YES1: variants seen among roughly 807,000 people sequenced by gnomAD.
YES1 encodes the protein YES proto-oncogene 1, Src family tyrosine kinase.
A neutral mutation model predicts 70.4 loss-of-function variants in YES1; 39 were observed. That is an observed-to-expected ratio of 0.55 (90% CI 0.43 to 0.72). The LOEUF (loss-of-function observed/expected upper bound fraction) is 0.72, where lower values mean the gene tolerates loss of function less well. Among genes scored for constraint, YES1 ranks in the 30% least tolerant of loss-of-function variants. The probability of loss-of-function intolerance (pLI) is 0.00; values close to 1 mark genes in which losing one functional copy is unlikely to be tolerated. For missense variants in YES1, 495 were observed against 644.8 expected, an observed-to-expected ratio of 0.77 and a Z score of 2.52; for synonymous variants, 198 against 218.6, an observed-to-expected ratio of 0.91 and a Z score of 0.83.
intron 2 of YES1, among the ~76,000 whole-genome samples, chr18:755,002 A>G (rs1020264213): frequency 6.6e-6 from 1 of 152,198 alleles, no homozygotes; most frequent in African/African-American, 2.4e-5. Context: ...ATTTCATATA[A>G]GTAAATTGCT....
At chr18:724,710 T>C in intron 11 of YES1, 78 bp from the exon 12 acceptor site, 1 of 1,121,626 alleles carries the variant, frequency 8.9e-7, no homozygotes, top group Non-Finnish European at 1.3e-6. Context: ...CCCTAGCCAC[T>C]AACTCATTCA....
intron 11 of YES1, 34 bp from the exon 12 acceptor site, chr18:724,666 G>GTTAGTA: frequency 1.3e-6 from 2 of 1,569,894 alleles, no homozygotes; most frequent in South Asian, 1.1e-5. Flanking sequence ...AAAGAACAAT[G>GTTAGTA]GTCCTAACTA....
At chr18:766,976 A>C (rs1168100706) in intron 1 of YES1, among the ~76,000 whole-genome samples, 1 of 152,134 alleles carries the variant, frequency 6.6e-6, no homozygotes, top group African/African-American at 2.4e-5. Context: ...TTTTAAGTTC[A>C]ATTAAAATTT....
chr18:790,758 T>G (rs929498905), intron 1 of YES1, among the ~76,000 whole-genome samples: 4 of 152,180 alleles, frequency 2.6e-5, no homozygotes, highest in African/African-American at 7.2e-5. Context: ...CAATAACCAC[T>G]AAAATAGTTT....
intron 11 of YES1, among the ~76,000 whole-genome samples, chr18:731,953 C>T (rs1401150806): frequency 1.3e-4 from 14 of 109,426 alleles, no homozygotes; most frequent in South Asian, 2.9e-4. Context: ...GGCGACAGAG[C>T]GAGACTCCAT....
rs1318314308 is a variant in YES1 at position 743,066 on chromosome 18, G to A, written c.912C>T (p.Ile304=). The A allele has an allele frequency of 6.2e-7, 1 of 1,601,364 alleles. No homozygotes were observed. Among genetic ancestry groups the A allele is most frequent in the Non-Finnish European group, 8.5e-7 (1 of 1,176,944 alleles). The change falls in exon 8 of 12, where the codon ATC becomes ATT. Residue 304 remains isoleucine (I), a synonymous_variant. Coordinates refer to ENST00000314574, the MANE Select transcript of YES1 (RefSeq NM_005433.4). ...GTWNGTTKVA[I]KTLKPGTMMP... is the part of the protein sequence containing the mutation. ...TCATTGTACCTGGTTTTAGTGTTTTGATTGCTACTTTCGTGGTTCCATTCC... is the reference window on the plus strand; with the variant it reads ...TCATTGTACCTGGTTTTAGTGTTTTAATTGCTACTTTCGTGGTTCCATTCC...
chr18:770,150 G>A (rs1388963502), intron 1 of YES1, among the ~76,000 whole-genome samples: 1 of 151,982 alleles, frequency 6.6e-6, no homozygotes, highest in African/African-American at 2.4e-5. Flanking sequence ...AGTAGAGACA[G>A]GGTTTCACCA....
intron 1 of YES1, among the ~76,000 whole-genome samples, chr18:805,171 G>A (rs1907037971): frequency 6.6e-6 from 1 of 152,062 alleles, no homozygotes; most frequent in African/African-American, 2.4e-5. Context: ...GAACACTCTA[G>A]AGTGTACTTA....
intron 1 of YES1, among the ~76,000 whole-genome samples, chr18:791,543 A>G (rs1194109943): frequency 6.6e-6 from 1 of 152,200 alleles, no homozygotes; most frequent in Non-Finnish European, 1.5e-5. Context: ...CAGGCAATTT[A>G]GCTCCAGAAC....
chr18:746,950 G>A (rs982507161), intron 4 of YES1, among the ~76,000 whole-genome samples: 1 of 152,046 alleles, frequency 6.6e-6, no homozygotes, highest in Non-Finnish European at 1.5e-5. Flanking sequence ...TTAACTAATT[G>A]TAAGTTGCAA....
In YES1 at chr18:765,080, T is replaced by C. The variant is rs188572645; in HGVS notation, c.-8-8245A>G. ...ACAGAACTCTCAAATAATGTACAGC[T>C]TTAGAGGAAATCAAAAGAATTAACA... On this transcript the variant is annotated intron_variant, in intron 1 of 11. Transcript: ENST00000314574. 2.2e-3 allele frequency among the ~76,000 whole-genome samples: 331 copies of C among 151,324 alleles called. 1 individual carries two copies. Among genetic ancestry groups the C allele is most frequent in the African/African-American group, 7.4e-3 (304 of 41,272 alleles).
At chr18:755,729 G>GC (rs1245665297) in intron 2 of YES1, among the ~76,000 whole-genome samples, 1 of 152,130 alleles carries the variant, frequency 6.6e-6, no homozygotes, top group Non-Finnish European at 1.5e-5. Context: ...ACTCCCAAGG[G>GC]CTGCAGAATA....
intron 1 of YES1, among the ~76,000 whole-genome samples, chr18:782,394 A>G (rs1267967217): frequency 1.3e-5 from 2 of 152,172 alleles, no homozygotes; most frequent in East Asian, 3.9e-4. Flanking sequence ...TCCAGCCAAG[A>G]GGCAGGGTCA....
chr18:780,578 A>G (rs1403025962), intron 1 of YES1, among the ~76,000 whole-genome samples: 1 of 152,158 alleles, frequency 6.6e-6, no homozygotes, highest in African/African-American at 2.4e-5. Context: ...TGTAAGAAAT[A>G]AATTCCTTTT....
intron 9 of YES1, chr18:737,298 C>CA: frequency 5.8e-6 from 1 of 171,090 alleles, no homozygotes; most frequent in East Asian, 1.6e-4. Flanking sequence ...ATTAAAAATA[C>CA]AAACATTAGC....
chr18:731,175 A>T (rs946642816), intron 11 of YES1, among the ~76,000 whole-genome samples: 2 of 152,228 alleles, frequency 1.3e-5, no homozygotes, highest in Admixed American at 6.5e-5. Flanking sequence ...AAAGGGTTGC[A>T]GTTATTGGTA....
intron 1 of YES1, among the ~76,000 whole-genome samples, chr18:781,222 T>C (rs1905644752): frequency 7.0e-6 from 1 of 142,096 alleles, no homozygotes; most frequent in South Asian, 2.2e-4. Context: ...TGAGCCGAGA[T>C]CGCGCCATTG....
intron 1 of YES1, among the ~76,000 whole-genome samples, chr18:764,293 GCACACTACAACCTCTGCCTC>G (rs1424082870): frequency 6.6e-6 from 1 of 152,058 alleles, no homozygotes; most frequent in Non-Finnish European, 1.5e-5. Context: ...TACAATCCCG[GCACACTACAACCTCTGCCTC>G]CTGGATTCAA....
At chr18:737,374 AC>A (rs1227226838) in intron 9 of YES1, 1 of 154,936 alleles carries the variant, frequency 6.5e-6, no homozygotes, top group African/African-American at 2.4e-5. Flanking sequence ...AATCACTTGA[AC>A]CCAGGAGGCA....
Sources: gnomAD v4.1 joint callset for allele counts (sites outside exome capture counted in the v4.1 genomes callset) on GRCh38, gnomAD v4.1.1 for gene constraint, MANE v1.5 for transcripts, NCBI Gene and HGNC (gene_info 2026-07-23, HGNC 2026-07-21) for gene names.